The following SPNS2 variants were observed in gnomAD, a reference collection of about 807,000 sequenced individuals.
The protein encoded by SPNS2 is SPNS lysolipid transporter 2, sphingosine-1-phosphate, also known as sphingosine-1-phosphate transporter SPNS2.
In SPNS2, 37 loss-of-function variants were observed where a neutral mutation model predicts 57.6. The observed-to-expected ratio is 0.64, with a 90% confidence interval of 0.49 to 0.85. The LOEUF is 0.85. Ranked by LOEUF, SPNS2 falls within the 40% of genes least tolerant of loss-of-function variation. The pLI is 0.00. For missense variants in SPNS2, 831 were observed against 779.1 expected (o/e 1.07, Z -0.79); for synonymous variants, 440 against 346.9 (o/e 1.27, Z -2.98).
chr17:4,536,877 ACC>A (rs771555655), intron 11 of SPNS2, 21 bp from the exon 12 acceptor site: 1 of 1,609,570 alleles, frequency 6.2e-7, no homozygotes, highest in Non-Finnish European at 8.5e-7. Context: ...CACCACCCTG[ACC>A]CCCGCCCGTC....
Position 4,512,645 on chromosome 17 carries a change from CGTGCGCGCGCACGGGTATGTGT to C in SPNS2, c.371-592_371-571del, listed in dbSNP as rs1413850760. 1.3e-5 allele frequency among the ~76,000 whole-genome samples: 2 copies of C among 149,876 alleles called. No individual in the cohort carries two copies. Among genetic ancestry groups the C allele is most frequent in the African/African-American group, 2.5e-5 (1 of 39,566 alleles). On this transcript the variant is annotated intron_variant, in intron 1 of 12. Transcript: ENST00000329078. The surrounding 1 kb of genome is among the most constrained non-coding windows in gnomAD (Gnocchi z 5.2). ...GCTGGGGTGACAGTGTGTGTGTGTG[CGTGCGCGCGCACGGGTATGTGT>C]GTGCGCGCGTGGGTGTGTATGCATG...
chr17:4,499,092 G>A lies in SPNS2; in HGVS notation c.45G>A (p.Glu15=). The change falls in exon 1 of 13, where the codon GAG becomes GAA. Residue 15 remains glutamate, a synonymous_variant. Coordinates refer to ENST00000329078, the MANE Select transcript of SPNS2 (RefSeq NM_001124758.3). This position sits in a 1 kb window ranked among gnomAD's most constrained non-coding sequence, Gnocchi z 5.2. ...CCTCGGCGGCGGCGGGCGGCGCGGA[G>A]GAGGAGGAGGCGGACGCGGAGCGGC... ...ECASAAAGGA[E]EEEADAERRR... is the part of the protein sequence containing the mutation. 2 of 1,064,098 alleles carry A rather than the reference G, an allele frequency of 1.9e-6. No individual in the cohort carries two copies. The highest frequency in any genetic ancestry group is 1.7e-5 in the African/African-American group (1 of 58,808). The allele number at this position is 1,064,098 out of a possible 1,614,324, so 65.9% of individuals were successfully genotyped here. A position where few individuals can be genotyped will look rare whatever the true frequency, so the allele number is the denominator to read the frequency against.
rs1297667595 is a variant in SPNS2, at chr17:4,537,586, C to T, written c.*138C>T. The T allele has an allele frequency of 6.6e-6, 3 of 456,670 alleles. No individual in the cohort carries two copies. The highest frequency in any genetic ancestry group is 6.0e-5 in the African/African-American group (3 of 50,102). The allele number at this position is 456,670 out of a possible 1,614,324, so 28.3% of individuals were successfully genotyped here. ...AGGCACCCACCCTCTCTGGCCCAGG[C>T]CTGCTGAGTGGCCCTGGCATCAAGA... On this transcript the variant is annotated 3_prime_UTR_variant, in exon 13 of 13. Coordinates refer to ENST00000329078, the MANE Select transcript of SPNS2 (RefSeq NM_001124758.3).
Position 4,530,748 on chromosome 17 carries a change from G to A in SPNS2, c.690G>A (p.Met230Ile). 1 of 1,613,976 alleles carries A rather than the reference G, an allele frequency of 6.2e-7. No homozygotes were observed. Among genetic ancestry groups the A allele is most frequent in the Non-Finnish European group, 8.5e-7 (1 of 1,179,942 alleles). Reference protein sequence around the residue: ...DLFTKNTRTLMLSVFYFAIPL... With the variant: ...DLFTKNTRTLILSVFYFAIPL... ...TCACCAAGAACACGCGTACGCTCAT[G>A]CTGTCCGTCTTCTACTTCGCCATCC... The change falls in exon 4 of 13, where the codon ATG (methionine) becomes ATA (isoleucine). Residue 230 changes from methionine (M) to isoleucine (I), a missense_variant. This residue lies in a region of SPNS2 where 305 missense variants were observed against 378.3 expected (regional missense o/e 0.81). Transcript: ENST00000329078.
In SPNS2 at chr17:4,536,201, C is replaced by A. The variant is rs143421804; in HGVS notation, c.1443+27C>A. 301,776 of 1,606,968 alleles carry A rather than the reference C, an allele frequency of 0.19. 31,934 individuals carry two copies. The highest frequency in any genetic ancestry group is 0.48 in the East Asian group (21,594 of 44,660). ...TGAGTAGCCCCGGGGTGGGGCTGGC[C>A]AGGGCAGGCTGGGGGACTGCAGGAG... On this transcript the variant is annotated intron_variant, in intron 10 of 12. Transcript: ENST00000329078.
At chr17:4,527,470 T>C (rs541294657) in intron 3 of SPNS2, among the ~76,000 whole-genome samples, 1 of 152,364 alleles carries the variant, frequency 6.6e-6, no homozygotes, top group East Asian at 1.9e-4. Flanking sequence ...TCAAACCATC[T>C]TGCAGAATAA....
Position 4,536,430 on chromosome 17 carries a change from A to AGT in SPNS2, c.1607+6_1607+7dup. The stretch of plus-strand genomic sequence containing the variant: ...ACCGCGCCAGGGCTGAGCAGCAGTG[A>AGT]GTGGGGGGGAGGGGAGGCCCTGCTG... On this transcript the variant is annotated splice_donor_region_variant and intron_variant, in intron 11 of 12. Coordinates refer to ENST00000329078, the MANE Select transcript of SPNS2 (RefSeq NM_001124758.3). The AGT allele has an allele frequency of 1.3e-6, 2 of 1,492,602 alleles. No individual in the cohort carries two copies. The highest frequency in any genetic ancestry group is 1.8e-6 in the Non-Finnish European group (2 of 1,107,958). 92.5% of individuals were successfully genotyped at this position (1,492,602 alleles called of 1,614,324 possible).
intron 2 of SPNS2, among the ~76,000 whole-genome samples, chr17:4,522,292 G>A (rs1338927506): frequency 6.6e-6 from 1 of 152,240 alleles, no homozygotes; most frequent in Non-Finnish European, 1.5e-5. Context: ...CACTGAAGGT[G>A]AGACACAGAA....
At chr17:4,533,598 C>T in intron 8 of SPNS2, 166 bp downstream of exon 8, 2 of 1,014,412 alleles carry the variant, frequency 2.0e-6, no homozygotes, top group Non-Finnish European at 2.9e-6. Flanking sequence ...ACAGCCTGTC[C>T]AGGGCCTCTG....
chr17:4,514,451 G>A (rs1424139365), intron 2 of SPNS2, among the ~76,000 whole-genome samples: 5 of 152,108 alleles, frequency 3.3e-5, no homozygotes, highest in Admixed American at 2.0e-4. Context: ...AATCCCTCCC[G>A]AGCTCACAGA....
intron 2 of SPNS2, among the ~76,000 whole-genome samples, chr17:4,518,184 G>A (rs915040667): frequency 6.6e-6 from 1 of 152,222 alleles, no homozygotes; most frequent in African/African-American, 2.4e-5. Flanking sequence ...TTGTCTTGGG[G>A]CAGTAGGGAG....
At chr17:4,519,498 C>T (rs965108597) in intron 2 of SPNS2, among the ~76,000 whole-genome samples, 2 of 152,098 alleles carry the variant, frequency 1.3e-5, no homozygotes, top group South Asian at 2.1e-4. Flanking sequence ...CCCAAGACCC[C>T]GAGGCAGGCG....
At chr17:4,516,337 A>C (rs1348959199) in intron 2 of SPNS2, among the ~76,000 whole-genome samples, 1,326 of 128,010 alleles carry the variant, frequency 0.01, 84 homozygotes, top group African/African-American at 0.036. Flanking sequence ...AAAAAAAAAA[A>C]AAAAAACAAA....
chr17:4,525,032 C>A (rs771541932), intron 2 of SPNS2, 25 bp from the exon 3 acceptor site: 22 of 1,609,032 alleles, frequency 1.4e-5, no homozygotes, highest in Admixed American at 3.3e-5. Flanking sequence ...CCTGGGCCCC[C>A]CCTCAAGCTC....
At chr17:4,508,028 T>C (rs1322668183) in intron 1 of SPNS2, among the ~76,000 whole-genome samples, 4 of 152,094 alleles carry the variant, frequency 2.6e-5, no homozygotes, top group African/African-American at 7.2e-5. Context: ...CCAGCAGTGA[T>C]GGGGAATCAC....
At chr17:4,535,970 A>C (rs543061265) in intron 9 of SPNS2, 106 bp from the exon 10 acceptor site, 2 of 865,380 alleles carry the variant, frequency 2.3e-6, no homozygotes, top group East Asian at 2.6e-5. Context: ...GTAGGGCAGG[A>C]GTGAGTCTGA....
intron 1 of SPNS2, among the ~76,000 whole-genome samples, chr17:4,504,656 A>C (rs1423274911): frequency 6.6e-6 from 1 of 152,170 alleles, no homozygotes; most frequent in Non-Finnish European, 1.5e-5. Context: ...TGGGGGCCTG[A>C]AATCTTGAAG....
chr17:4,515,972 C>G (rs1904973937), intron 2 of SPNS2, among the ~76,000 whole-genome samples: 1 of 152,214 alleles, frequency 6.6e-6, no homozygotes. Context: ...GCCCCTGGAC[C>G]CCCTGCAGGA....
At chr17:4,518,777 G>C (rs577053528) in intron 2 of SPNS2, among the ~76,000 whole-genome samples, 31 of 152,280 alleles carry the variant, frequency 2.0e-4, no homozygotes, top group African/African-American at 7.5e-4. Flanking sequence ...CTCCCCTCCC[G>C]TCTTTGGCCA....
Sources: gnomAD v4.1 joint callset for allele counts (sites outside exome capture counted in the v4.1 genomes callset) on GRCh38, gnomAD v4.1.1 for gene constraint, gnomAD v4.1.1 regional missense constraint, Gnocchi (gnomAD v3.1) non-coding constraint, MANE v1.5 for transcripts, NCBI Gene and HGNC (gene_info 2026-07-23, HGNC 2026-07-21) for gene names.